The following STAM2 variants were observed in gnomAD, a reference collection of about 807,000 sequenced individuals.
The protein encoded by STAM2 is signal transducing adaptor molecule 2.
In STAM2, 51 loss-of-function variants were observed where a neutral mutation model predicts 65.6. The ratio of observed to expected loss-of-function variants is 0.78; its 90% CI spans 0.62 to 0.98. The LOEUF (loss-of-function observed/expected upper bound fraction) is 0.98. Among genes scored for constraint, STAM2 ranks in the 50% least tolerant of loss-of-function variants. The pLI, the probability that STAM2 is intolerant of heterozygous loss-of-function variation, is 0.00. For synonymous variants in STAM2, 198 were observed against 208.4 expected, an observed-to-expected ratio of 0.95 and a Z score of 0.43; for missense variants, 584 against 617.8, an observed-to-expected ratio of 0.95 and a Z score of 0.58.
At chr2:152,137,873 C>T (rs558150291) in intron 7 of STAM2, among the ~76,000 whole-genome samples, 2 of 151,998 alleles carry the variant, frequency 1.3e-5, no homozygotes, top group Non-Finnish European at 1.5e-5. Context: ...AATAGTCCAC[C>T]ATTTTTTCTA....
At chr2:152,143,712 G>C (rs1391644387) in intron 7 of STAM2, 115 bp downstream of exon 7, 1 of 704,964 alleles carries the variant, frequency 1.4e-6, no homozygotes. Context: ...AAAAAACAAG[G>C]TATGAAATGG....
intron 1 of STAM2, among the ~76,000 whole-genome samples, chr2:152,150,730 T>G (rs887222230): frequency 2.0e-4 from 31 of 152,174 alleles, no homozygotes; most frequent in African/African-American, 7.5e-4. Flanking sequence ...TGCTTGAGCC[T>G]ATGACCTCAA....
At chr2:152,150,853 G>A (rs1324596180) in intron 1 of STAM2, among the ~76,000 whole-genome samples, 2 of 152,044 alleles carry the variant, frequency 1.3e-5, no homozygotes, top group Non-Finnish European at 2.9e-5. Context: ...GCACTACACT[G>A]TCCAATAAAG....
At position 152,135,615 on chromosome 2, in the gene STAM2, G is replaced by C; in HGVS notation, c.705-12C>G. The C allele has an allele frequency of 6.5e-7, 1 of 1,550,124 alleles. No individual in the cohort carries two copies. Among genetic ancestry groups the C allele is most frequent in the Non-Finnish European group, 8.8e-7 (1 of 1,132,744 alleles). ...ACCAATTGGCATCACTAAAAATACAGTGCAAAAAATATCATTTGTTCCCCA... is the reference window on the plus strand; with the variant it reads ...ACCAATTGGCATCACTAAAAATACACTGCAAAAAATATCATTTGTTCCCCA... On this transcript the variant is annotated splice_polypyrimidine_tract_variant and intron_variant, in intron 7 of 13. Transcript: ENST00000263904.
intron 1 of STAM2, among the ~76,000 whole-genome samples, chr2:152,160,718 T>G (rs1019833125): frequency 2.1e-5 from 3 of 141,592 alleles, no homozygotes; most frequent in Non-Finnish European, 4.6e-5. Context: ...GCCCCCCGCC[T>G]GGCCAGCTGC....
At chr2:152,121,855 T>A (rs752310341) in intron 13 of STAM2, among the ~76,000 whole-genome samples, 24 of 151,884 alleles carry the variant, frequency 1.6e-4, no homozygotes, top group Non-Finnish European at 3.2e-4. Context: ...CCATCCTGGC[T>A]AACACAGTGA....
intron 1 of STAM2, among the ~76,000 whole-genome samples, chr2:152,162,868 AC>A (rs1290836530): frequency 7.9e-5 from 12 of 151,120 alleles, no homozygotes; most frequent in Admixed American, 7.2e-4. Context: ...TGTTGGTCAC[AC>A]TGGTTTCGAA....
intron 11 of STAM2, among the ~76,000 whole-genome samples, chr2:152,130,931 G>C (rs1368295430): frequency 3.3e-5 from 5 of 149,716 alleles, no homozygotes; most frequent in Admixed American, 3.3e-4. Flanking sequence ...TGGAGGTGGA[G>C]GTTGCAGTGA....
chr2:152,145,544 A>T (rs72864740), intron 5 of STAM2, among the ~76,000 whole-genome samples: 23,291 of 152,266 alleles, frequency 0.15, 2,063 homozygotes, highest in Middle Eastern at 0.32. Context: ...AATAGAATTT[A>T]AAAAAGACTC....
intron 5 of STAM2, 71 bp from the exon 6 acceptor site, chr2:152,145,028 G>T (rs1298862842): frequency 8.2e-7 from 1 of 1,218,202 alleles, no homozygotes; most frequent in African/African-American, 1.5e-5. Flanking sequence ...ATTACTTGCA[G>T]ATGGTAAATT....
chr2:152,159,735 AGTCTCCCTCTCCCTCTCTTTCCACG>A (rs1433604945), intron 1 of STAM2, among the ~76,000 whole-genome samples: 1 of 151,916 alleles, frequency 6.6e-6, no homozygotes, highest in African/African-American at 2.4e-5. Context: ...CTCTCCCCAC[AGTCTCCCTCTCCCTCTCTTTCCACG>A]GTCTCCCTCT....
In STAM2 at chr2:152,133,165, C is replaced by T. The variant is rs754178323; in HGVS notation, c.970+8G>A. 1.3e-5 allele frequency: 19 copies of T among 1,439,600 alleles called. No individual in the cohort carries two copies. The South Asian group carries it at 1.7e-4, about 13-fold the overall frequency. The allele number at this position is 1,439,600 out of a possible 1,614,324, so 89.2% of individuals were successfully genotyped here. A position where few individuals can be genotyped will look rare whatever the true frequency, so the allele number is the denominator to read the frequency against. On this transcript the variant is annotated splice_region_variant and intron_variant, in intron 10 of 13. Transcript: ENST00000263904. ...ATATTAAAATAATATAAAATATTCA[C>T]TAAGTACCTTCTAAATCCAAAAGGT... is the stretch of plus-strand genomic sequence containing the variant.
chr2:152,170,494 A>T (rs1223586668), intron 1 of STAM2, among the ~76,000 whole-genome samples: 1 of 151,904 alleles, frequency 6.6e-6, no homozygotes, highest in African/African-American at 2.4e-5. Flanking sequence ...AAAAAAAAAA[A>T]AAAAGAATCT....
intron 7 of STAM2, 58 bp downstream of exon 7, chr2:152,143,769 T>C: frequency 7.4e-7 from 1 of 1,355,340 alleles, no homozygotes; most frequent in South Asian, 1.3e-5. Flanking sequence ...CTGAATACTC[T>C]GGATTCTAAA....
At chr2:152,155,415 G>A (rs1282361375) in intron 1 of STAM2, among the ~76,000 whole-genome samples, 1 of 152,128 alleles carries the variant, frequency 6.6e-6, no homozygotes, top group Non-Finnish European at 1.5e-5. Context: ...ATATTCAACG[G>A]GCTACATAGG....
At position 152,118,242 on chromosome 2, in the gene STAM2, C is replaced by A. The variant is rs538572794; in HGVS notation, c.*2332G>T. 2.0e-5 allele frequency: 3 copies of A among 151,948 alleles called. No homozygotes were observed. Among genetic ancestry groups the A allele is most frequent in the Admixed American group, 1.3e-4 (2 of 15,250 alleles). The allele number at this position is 151,948 out of a possible 1,614,324, so 9.4% of individuals were successfully genotyped here. A position where few individuals can be genotyped will look rare whatever the true frequency, so the allele number is the denominator to read the frequency against. On this transcript the variant is annotated 3_prime_UTR_variant, in exon 14 of 14. Coordinates refer to ENST00000263904, the MANE Select transcript of STAM2 (RefSeq NM_005843.6). ...AAACAGGTCTTAATATAAATAGAAT[C>A]CATAAGCCCATAAAAAGGGAAGTAC...
At chr2:152,169,353 T>C (rs1051477950) in intron 1 of STAM2, among the ~76,000 whole-genome samples, 1 of 151,650 alleles carries the variant, frequency 6.6e-6, no homozygotes, top group African/African-American at 2.4e-5. Flanking sequence ...CATGGCTCAC[T>C]GCAGCCTCAA....
rs1035166637 is a variant in STAM2, at chr2:152,118,088, C to A, written c.*2486G>T. On this transcript the variant is annotated 3_prime_UTR_variant, in exon 14 of 14. Transcript: ENST00000263904. ...ATTCTATTATAAATTTTCAGGAATT[C>A]TTTCTGATGTACCAAGATTTCATAT... is the stretch of plus-strand genomic sequence containing the variant. The A allele has an allele frequency of 6.6e-6, 1 of 152,038 alleles. No homozygotes were observed. Among genetic ancestry groups the A allele is most frequent in the Non-Finnish European group, 1.5e-5 (1 of 67,946 alleles). The allele number at this position is 152,038 out of a possible 1,614,324, so 9.4% of individuals were successfully genotyped here. A position where few individuals can be genotyped will look rare whatever the true frequency, so the allele number is the denominator to read the frequency against.
At chr2:152,129,064 T>C (rs1193389754) in intron 11 of STAM2, among the ~76,000 whole-genome samples, 1 of 152,244 alleles carries the variant, frequency 6.6e-6, no homozygotes, top group Non-Finnish European at 1.5e-5. Context: ...GTTGGCCTAT[T>C]CAAAAACTGA....
Sources: allele counts gnomAD v4.1 joint callset (sites outside exome capture counted in the v4.1 genomes callset), GRCh38; gene constraint gnomAD v4.1.1; transcripts MANE v1.5; gene names NCBI Gene and HGNC (gene_info 2026-07-23, HGNC 2026-07-21).